The following BSN variants were observed in gnomAD, a reference collection of about 807,000 sequenced individuals.
The protein encoded by BSN is bassoon presynaptic cytomatrix protein.
Under a neutral mutation model 264.8 loss-of-function variants are expected in BSN, and 57 were observed. The observed-to-expected ratio is 0.22, with a 90% CI of 0.17 to 0.27. BSN has a LOEUF of 0.27. Among genes scored for constraint, BSN ranks in the 10% least tolerant of loss-of-function variants. The pLI, the probability that BSN is intolerant of heterozygous loss-of-function variation, is 1.00. For synonymous variants in BSN, 2,059 were observed against 2,137.3 expected, an observed-to-expected ratio of 0.96 and a Z score of 1.01; for missense variants, 4,615 against 5,232.5, an observed-to-expected ratio of 0.88 and a Z score of 3.64.
Position 49,653,831 on chromosome 3 carries a change from T to G in BSN, c.4275T>G (p.Thr1425=), listed in dbSNP as rs1350019193. The change falls in exon 5 of 12, where the codon ACT becomes ACG. Residue 1425 remains threonine (T), a synonymous_variant. Transcript: ENST00000296452. This position sits in a 1 kb window ranked among gnomAD's most constrained non-coding sequence, Gnocchi z 6.3. ...TAHSYGHSPT[T]ANYGSQTEDL... The stretch of plus-strand genomic sequence containing the variant: ...ACAGCTATGGACACAGCCCAACCAC[T>G]GCAAACTATGGGTCCCAAACTGAGG... 6 of 1,614,044 alleles carry G rather than the reference T, an allele frequency of 3.7e-6. No homozygotes were observed. The highest frequency in any genetic ancestry group is 5.1e-6 in the Non-Finnish European group (6 of 1,180,008).
intron 1 of BSN, among the ~76,000 whole-genome samples, chr3:49,592,750 CA>C (rs773509322): frequency 0.017 from 1,953 of 112,720 alleles, 28 homozygotes; most frequent in African/African-American, 0.052. Context: ...GACTCCATCT[CA>C]AAAAAAAAAA....
Position 49,625,185 on chromosome 3 carries a change from A to G in BSN, c.435A>G (p.Ser145=), listed in dbSNP as rs772177137. 2.3e-5 allele frequency: 36 copies of G among 1,563,552 alleles called. No homozygotes were observed. The highest frequency in any genetic ancestry group is 3.1e-5 in the Non-Finnish European group (36 of 1,152,926). The stretch of plus-strand genomic sequence containing the variant: ...GATCAGGGCGGTCCCCCTCAGTGTC[A>G]CCGGACAGAGGCAGCACCCCCACAT... ...TQRSGRSPSV[S]PDRGSTPTSP... The change falls in exon 2 of 12, where the codon TCA becomes TCG. Residue 145 remains serine (S), a synonymous_variant. Coordinates refer to ENST00000296452, the MANE Select transcript of BSN (RefSeq NM_003458.4). This position sits in a 1 kb window ranked among gnomAD's most constrained non-coding sequence, Gnocchi z 4.4.
intron 3 of BSN, among the ~76,000 whole-genome samples, chr3:49,649,650 G>A (rs980323431): frequency 6.6e-6 from 1 of 152,174 alleles, no homozygotes; most frequent in Admixed American, 6.5e-5. Flanking sequence ...CATGGACTTC[G>A]CTTCTTGTGT....
Position 49,652,999 on chromosome 3 carries a change from A to T in BSN, c.3443A>T (p.Lys1148Met). 6.2e-7 allele frequency: 1 copy of T among 1,613,406 alleles called. No individual in the cohort carries two copies. Among genetic ancestry groups the T allele is most frequent in the Non-Finnish European group, 8.5e-7 (1 of 1,179,888 alleles). ...GATGGTGGCCCTAGCCGGCTTTACAAGTCAGGCAGTGAGTACAACCTGCCC... is the reference window on the plus strand; with the variant it reads ...GATGGTGGCCCTAGCCGGCTTTACATGTCAGGCAGTGAGTACAACCTGCCC... Reference protein sequence around the residue: ...ALDGGPSRLYKSGSEYNLPTF... With the variant: ...ALDGGPSRLYMSGSEYNLPTF... Residue 1148 changes from lysine to methionine, a missense_variant, in exon 5 of 12, where the codon AAG becomes ATG. Transcript: ENST00000296452.
intron 11 of BSN, among the ~76,000 whole-genome samples, chr3:49,666,546 T>C (rs139580791): frequency 6.6e-6 from 1 of 152,302 alleles, no homozygotes; most frequent in South Asian, 2.1e-4. Flanking sequence ...ATGAGTGTTA[T>C]AAAGCCAGAG....
intron 1 of BSN, among the ~76,000 whole-genome samples, chr3:49,589,211 C>A (rs149561031): frequency 1.3e-5 from 2 of 149,986 alleles, no homozygotes; most frequent in African/African-American, 4.9e-5. Context: ...CGCGCCCGGC[C>A]GGGTGGAGTG....
chr3:49,612,465 A>G (rs2052216203), intron 1 of BSN, among the ~76,000 whole-genome samples: 2 of 152,230 alleles, frequency 1.3e-5, no homozygotes, highest in Admixed American at 6.5e-5. Context: ...CAGGATCAAA[A>G]TCAGTCCAGG....
intron 1 of BSN, among the ~76,000 whole-genome samples, chr3:49,597,682 G>A (rs142330639): frequency 5.3e-5 from 8 of 151,878 alleles, no homozygotes; most frequent in South Asian, 2.1e-4. Flanking sequence ...TCACTGTGTC[G>A]TCCAGGCTGG....
chr3:49,563,261 C>T (rs1445562235), intron 1 of BSN, among the ~76,000 whole-genome samples: 1 of 152,132 alleles, frequency 6.6e-6, no homozygotes, highest in Admixed American at 6.5e-5. Flanking sequence ...CAGGGGCTCT[C>T]GGAAAACTGA....
At chr3:49,622,181 C>T (rs1204000449) in intron 1 of BSN, among the ~76,000 whole-genome samples, 1 of 151,932 alleles carries the variant, frequency 6.6e-6, no homozygotes, top group Non-Finnish European at 1.5e-5. Flanking sequence ...TCTGGTGGGT[C>T]CCACTTTTTT....
chr3:49,566,403 A>C (rs1423037958), intron 1 of BSN, among the ~76,000 whole-genome samples: 1 of 152,122 alleles, frequency 6.6e-6, no homozygotes, highest in Non-Finnish European at 1.5e-5. Context: ...ATCTTTTTGG[A>C]AAGAACACTT....
Position 49,638,456 on chromosome 3 carries a change from G to A in BSN, c.634-3812G>A, listed in dbSNP as rs146211020. 1.4e-4 allele frequency among the ~76,000 whole-genome samples: 22 copies of A among 152,256 alleles called. No homozygotes were observed. The East Asian group carries it at 2.3e-3, about 16-fold the overall frequency. ...CCCAGGAAACTGCTGGGGATCTGTC[G>A]GGGAGGCAGAGAGGGGGATGTATTG... On this transcript the variant is annotated intron_variant, in intron 2 of 11. Coordinates refer to ENST00000296452, the MANE Select transcript of BSN (RefSeq NM_003458.4). The surrounding 1 kb of genome is among the most constrained non-coding windows in gnomAD (Gnocchi z 4.3).
intron 1 of BSN, among the ~76,000 whole-genome samples, chr3:49,609,992 C>G (rs1409681458): frequency 1.3e-5 from 2 of 152,220 alleles, no homozygotes; most frequent in Non-Finnish European, 2.9e-5. Context: ...TTCACTGAGC[C>G]CTGCTCTGGG....
rs1575422031 is a variant in BSN at position 49,554,700 on chromosome 3, C to T, written c.98C>T (p.Ala33Val). Residue 33 changes from alanine (A) to valine (V), a missense_variant, in exon 1 of 12, where the codon GCA becomes GTA. By Grantham distance (64) the Ala-to-Val change is moderately conservative (BLOSUM62 0). Transcript: ENST00000296452. ...CCGGGCCCCGGCCCCGGCCCCGGCG[C>T]AGGAAAGCCGCCTTCAGCACCGGCC... ...PGPGPGPGPGAGKPPSAPAGG... is the reference protein window; with the variant it reads ...PGPGPGPGPGVGKPPSAPAGG... 3 of 1,145,764 alleles carry T rather than the reference C, an allele frequency of 2.6e-6. No individual in the cohort carries two copies. The East Asian group carries it at 1.3e-4, about 50-fold the overall frequency. The allele number at this position is 1,145,764 out of a possible 1,614,324, so 71.0% of individuals were successfully genotyped here.
chr3:49,613,037 G>T (rs1389945706), intron 1 of BSN, among the ~76,000 whole-genome samples: 1 of 152,138 alleles, frequency 6.6e-6, no homozygotes, highest in East Asian at 1.9e-4. Context: ...GGAGGCTGAG[G>T]CAGGAGAATT....
chr3:49,663,352 C>T lies in BSN; in HGVS notation c.11194C>T (p.Pro3732Ser), dbSNP rs150379098. The change falls in exon 7 of 12, where the codon CCC becomes TCC. Residue 3732 changes from proline (P) to serine (S), a missense_variant. Transcript: ENST00000296452. ...KKGSRQAHSG[P>S]AALQSKAEPQ... ...GGGCTCCCGGCAAGCCCACTCCGGG[C>T]CCGCTGCACTGCAGTCAAAGGCAGA... The T allele has an allele frequency of 1.9e-6, 3 of 1,613,584 alleles. No homozygotes were observed. The highest frequency in any genetic ancestry group is 1.7e-6 in the Non-Finnish European group (2 of 1,180,026).
intron 1 of BSN, among the ~76,000 whole-genome samples, chr3:49,579,521 G>T (rs2051877641): frequency 6.6e-6 from 1 of 151,746 alleles, no homozygotes; most frequent in South Asian, 2.1e-4. Flanking sequence ...TCCTGCCTCA[G>T]CCTCCTAAGT....
At chr3:49,578,036 TAA>T (rs902957038) in intron 1 of BSN, among the ~76,000 whole-genome samples, 42 of 152,356 alleles carry the variant, frequency 2.8e-4, no homozygotes, top group Admixed American at 2.2e-3. Context: ...GTTTCACACC[TAA>T]GTTTTCTTTT....
chr3:49,634,944 G>A (rs189338469), intron 2 of BSN, among the ~76,000 whole-genome samples: 1 of 152,292 alleles, frequency 6.6e-6, no homozygotes, highest in Non-Finnish European at 1.5e-5. Context: ...TGCAGGGGTA[G>A]CGGGTGGGCT....
Sources: allele counts gnomAD v4.1 joint callset (sites outside exome capture counted in the v4.1 genomes callset), GRCh38; gene constraint gnomAD v4.1.1; non-coding constraint Gnocchi (gnomAD v3.1); transcripts MANE v1.5; gene names NCBI Gene and HGNC (gene_info 2026-07-23, HGNC 2026-07-21).